LINGO2: variants seen among roughly 807,000 people sequenced by gnomAD.
The protein encoded by LINGO2 is leucine-rich repeat and immunoglobulin-like domain-containing nogo receptor-interacting protein 2.
Under a neutral mutation model 30.6 loss-of-function variants are expected in LINGO2, and 14 were observed. The observed-to-expected ratio is 0.46, with a 90% CI of 0.30 to 0.72. The LOEUF (loss-of-function observed/expected upper bound fraction) is 0.72. Among genes scored for constraint, LINGO2 ranks in the 30% least tolerant of loss-of-function variants. The pLI, the probability that LINGO2 is intolerant of heterozygous loss-of-function variation, is 0.07. For synonymous variants in LINGO2, 317 were observed against 288.5 expected (o/e 1.10, Z -1.00); for missense variants, 729 against 751.7 (o/e 0.97, Z 0.35).
At chr9:29,022,199 G>T in the LINGO2 span, among the ~76,000 whole-genome samples, 1 of 152,130 alleles carries the variant, frequency 6.6e-6, no homozygotes, top group East Asian at 1.9e-4. Flanking sequence ...GTTGGATATG[G>T]AAGTATTTTG....
intron 2 of LINGO2, among the ~76,000 whole-genome samples, chr9:28,412,198 A>C (rs1188870913): frequency 1.4e-5 from 2 of 147,698 alleles, no homozygotes; most frequent in Non-Finnish European, 3.0e-5. Flanking sequence ...AAAAAAAAAA[A>C]AAAAAAACCT....
At chr9:28,425,111 A>G (rs1022009279) in intron 2 of LINGO2, among the ~76,000 whole-genome samples, 11 of 151,680 alleles carry the variant, frequency 7.3e-5, no homozygotes, top group African/African-American at 2.7e-4. Flanking sequence ...TAATTAATAC[A>G]TAATTTTCAA....
At position 28,050,192 on chromosome 9, in the gene LINGO2, A is replaced by G. The variant is rs549171724; in HGVS notation, c.-86-37787T>C. Among the ~76,000 whole-genome samples the G allele has an allele frequency of 3.6e-4, 54 of 150,610 alleles. 1 individual carries two copies. The highest frequency in any genetic ancestry group is 7.1e-4 in the Non-Finnish European group (48 of 67,822). ...AAATTCTGAATAAAAAGGAGGAACA[A>G]ATTGAGGGAAGGCAATGAGTTATTG... On this transcript the variant is annotated intron_variant, in intron 4 of 5. Transcript: ENST00000379992.
chr9:28,906,529 A>T, the LINGO2 span, among the ~76,000 whole-genome samples: 1 of 151,970 alleles, frequency 6.6e-6, no homozygotes, highest in Non-Finnish European at 1.5e-5. Flanking sequence ...CCTCATTCAC[A>T]TAATAAGGTT....
intron 3 of LINGO2, among the ~76,000 whole-genome samples, chr9:28,321,156 A>C (rs1825027537): frequency 6.6e-6 from 1 of 152,202 alleles, no homozygotes. Context: ...AATGCTTATC[A>C]AAGAGTTGAA....
At chr9:28,072,299 A>T (rs991700727) in intron 4 of LINGO2, among the ~76,000 whole-genome samples, 6 of 152,218 alleles carry the variant, frequency 3.9e-5, no homozygotes, top group Non-Finnish European at 5.9e-5. Flanking sequence ...AGCTGCAAGC[A>T]CACATTTCAA....
the LINGO2 span, among the ~76,000 whole-genome samples, chr9:29,196,816 A>G: frequency 6.6e-6 from 1 of 152,068 alleles, no homozygotes; most frequent in Admixed American, 6.6e-5. Flanking sequence ...TGGGGCTGAG[A>G]AAACTTTGAA....
At chr9:29,081,088 CA>C in the LINGO2 span, among the ~76,000 whole-genome samples, 1 of 152,112 alleles carries the variant, frequency 6.6e-6, no homozygotes, top group Non-Finnish European at 1.5e-5. Context: ...AGGCCAGCAT[CA>C]TCCTGATACC....
At chr9:28,505,067 T>C (rs562057114) in intron 1 of LINGO2, among the ~76,000 whole-genome samples, 3 of 152,018 alleles carry the variant, frequency 2.0e-5, no homozygotes, top group East Asian at 3.9e-4. Context: ...TTTGATGCCA[T>C]GCTGAAAAAA....
At chr9:28,134,017 A>G (rs1184474357) in intron 4 of LINGO2, among the ~76,000 whole-genome samples, 1 of 152,324 alleles carries the variant, frequency 6.6e-6, no homozygotes, top group East Asian at 1.9e-4. Flanking sequence ...ATCTAAACAT[A>G]TAGTATCCTT....
At chr9:29,053,253 A>T in the LINGO2 span, among the ~76,000 whole-genome samples, 2 of 152,320 alleles carry the variant, frequency 1.3e-5, no homozygotes, top group East Asian at 3.9e-4. Flanking sequence ...GAGAAGTGCT[A>T]GTGAAGAAAG....
chr9:28,790,350 A>C, the LINGO2 span, among the ~76,000 whole-genome samples: 1 of 72,952 alleles, frequency 1.4e-5, no homozygotes, highest in Non-Finnish European at 2.4e-5. Context: ...TTTTTTTGAG[A>C]CGGAATCTCG....
intron 5 of LINGO2, among the ~76,000 whole-genome samples, chr9:27,989,076 C>T (rs370065109): frequency 6.6e-6 from 1 of 151,872 alleles, no homozygotes; most frequent in South Asian, 2.1e-4. Context: ...AGTCAGTTCG[C>T]CCAGCTTTGT....
chr9:28,195,105 ATACTC>A (rs1029081372), intron 4 of LINGO2, among the ~76,000 whole-genome samples: 62 of 152,056 alleles, frequency 4.1e-4, no homozygotes, highest in African/African-American at 1.5e-3. Flanking sequence ...TAAGGGGAAA[ATACTC>A]TATTAAGTAA....
rs7871701 is a variant in LINGO2 at position 28,484,630 on chromosome 9, T to C, written c.-364-8605A>G. On this transcript the variant is annotated intron_variant, in intron 1 of 5. Transcript: ENST00000379992. ...TGTCAATGTCTCCTTTTAAAATACA[T>C]TGAACACTGTATGACATTTCTGGAG... Among the ~76,000 whole-genome samples the C allele has an allele frequency of 9.5e-3, 1,446 of 152,166 alleles. 23 individuals carry two copies. The highest frequency in any genetic ancestry group is 0.033 in the African/African-American group (1,360 of 41,538).
At chr9:28,163,736 G>A (rs1828351351) in intron 4 of LINGO2, among the ~76,000 whole-genome samples, 1 of 151,966 alleles carries the variant, frequency 6.6e-6, no homozygotes. Context: ...CAGATGACAC[G>A]GTCTGTTTGA....
intron 1 of LINGO2, among the ~76,000 whole-genome samples, chr9:28,572,787 A>G (rs1300585260): frequency 6.6e-6 from 1 of 152,148 alleles, no homozygotes; most frequent in Non-Finnish European, 1.5e-5. Context: ...TACTTAGTGC[A>G]ATAATTGAAT....
At chr9:28,275,780 A>T (rs947763883) in intron 4 of LINGO2, among the ~76,000 whole-genome samples, 5 of 152,222 alleles carry the variant, frequency 3.3e-5, no homozygotes, top group Admixed American at 2.0e-4. Context: ...ATCGACCTTT[A>T]ATGTTTTTTC....
the LINGO2 span, among the ~76,000 whole-genome samples, chr9:29,008,922 A>G: frequency 6.6e-6 from 1 of 152,196 alleles, no homozygotes; most frequent in African/African-American, 2.4e-5. Context: ...AACAGAACCA[A>G]AGACAAAAAC....
Sources: allele counts gnomAD v4.1 joint callset (sites outside exome capture counted in the v4.1 genomes callset), GRCh38; gene constraint gnomAD v4.1.1; transcripts MANE v1.5; gene names NCBI Gene and HGNC (gene_info 2026-07-23, HGNC 2026-07-21).